PCDHGA4: variants seen among roughly 807,000 people sequenced by gnomAD.
PCDHGA4 encodes protocadherin gamma subfamily A, 4.
PCDHGA4 carries 38 observed loss-of-function variants against 54.6 expected under a neutral mutation model. The observed-to-expected ratio is 0.70, with a 90% CI of 0.54 to 0.91. The LOEUF (loss-of-function observed/expected upper bound fraction) is 0.91. Ranked by LOEUF, PCDHGA4 falls within the 40% of genes least tolerant of loss-of-function variation. PCDHGA4 has a pLI of 0.00. For missense variants in PCDHGA4, 1,298 were observed against 1,220.9 expected, an observed-to-expected ratio of 1.06 and a Z score of -0.94; for synonymous variants, 511 against 512.9, an observed-to-expected ratio of 1.00 and a Z score of 0.05.
intron 1 of PCDHGA4, among the ~76,000 whole-genome samples, chr5:141,364,008 C>G (rs553317478): frequency 6.6e-6 from 1 of 152,076 alleles, no homozygotes; most frequent in African/African-American, 2.4e-5. Flanking sequence ...TCATAAACAA[C>G]GCTACACAGT....
chr5:141,466,223 T>C (rs1313406487), intron 1 of PCDHGA4, among the ~76,000 whole-genome samples: 1 of 152,096 alleles, frequency 6.6e-6, no homozygotes, highest in African/African-American at 2.4e-5. Context: ...CAGGCTGGAG[T>C]GCAGTGGCAC....
At position 141,431,316 on chromosome 5, in the gene PCDHGA4, C is replaced by T; in HGVS notation, c.2515-63491C>T. 6.2e-7 allele frequency: 1 copy of T among 1,614,104 alleles called. No individual in the cohort carries two copies. The highest frequency in any genetic ancestry group is 8.5e-7 in the Non-Finnish European group (1 of 1,180,046). The stretch of plus-strand genomic sequence containing the variant: ...TTCTCCCTCATCGTGCAAAATGGAG[C>T]CGACGGTAGTAAGTACCCCGAATTG... On this transcript the variant is annotated intron_variant, in intron 1 of 3. Transcript: ENST00000571252. The surrounding 1 kb of genome is among the most constrained non-coding windows in gnomAD (Gnocchi z 4.8).
At chr5:141,427,952 T>C (rs1311471634) in intron 1 of PCDHGA4, 38 of 1,587,018 alleles carry the variant, frequency 2.4e-5, no homozygotes, top group Non-Finnish European at 2.8e-5. Flanking sequence ...TCAATGACAA[T>C]GTGCCGCGGG....
In PCDHGA4 at chr5:141,511,259, A is replaced by G; in HGVS notation, c.*86A>G. On this transcript the variant is annotated 3_prime_UTR_variant, in exon 4 of 4. Transcript: ENST00000571252. ...ACCTGCACCCAGGCCTCAGAGTTTCAGGGCTAACCCCCAGAATACTGGTAG... is the reference window on the plus strand; with the variant it reads ...ACCTGCACCCAGGCCTCAGAGTTTCGGGGCTAACCCCCAGAATACTGGTAG... 1.3e-6 allele frequency: 2 copies of G among 1,559,840 alleles called. No individual in the cohort carries two copies. The highest frequency in any genetic ancestry group is 1.7e-6 in the Non-Finnish European group (2 of 1,152,466).
intron 1 of PCDHGA4, chr5:141,400,304 G>T: frequency 6.2e-7 from 1 of 1,614,048 alleles, no homozygotes; most frequent in African/African-American, 1.3e-5. Context: ...TTCCAACCTG[G>T]TCTCTGTGTC....
In PCDHGA4 at chr5:141,398,540, T is replaced by C. The variant is rs372892054; in HGVS notation, c.2514+40919T>C. On this transcript the variant is annotated intron_variant, in intron 1 of 3. Transcript: ENST00000571252. The stretch of plus-strand genomic sequence containing the variant: ...ACGCCAAAATTCACGCAAAATTCCT[T>C]TGAGCTGCAAATAAGTGAGTCTGCA... 12 of 1,613,764 alleles carry C rather than the reference T, an allele frequency of 7.4e-6. No homozygotes were observed. The African/African-American group carries it at 1.2e-4, about 16-fold the overall frequency.
intron 1 of PCDHGA4, chr5:141,415,740 G>GTTTTTTTTTTTTTTTTTTT (rs57426385): frequency 1.1e-5 from 7 of 625,046 alleles, no homozygotes; most frequent in Admixed American, 7.1e-5. Context: ...GTTTATTAAG[G>GTTTTTTTTTTTTTTTTTTT]TTTTTTTTTT....
intron 1 of PCDHGA4, chr5:141,424,602 T>G (rs2154550827): frequency 6.6e-6 from 1 of 152,334 alleles, no homozygotes; most frequent in African/African-American, 2.4e-5. Flanking sequence ...GTCTACAGAT[T>G]TATTCAAATA....
intron 1 of PCDHGA4, chr5:141,415,377 C>T (rs774655293): frequency 1.2e-6 from 2 of 1,614,118 alleles, no homozygotes; most frequent in African/African-American, 2.7e-5. Flanking sequence ...CTTCAGGAGG[C>T]GGCTTGACAG....
At chr5:141,399,621 C>G (rs757586675) in intron 1 of PCDHGA4, 1 of 1,613,948 alleles carries the variant, frequency 6.2e-7, no homozygotes. Context: ...TGGCACTGGC[C>G]TCTTACGTGT....
intron 1 of PCDHGA4, among the ~76,000 whole-genome samples, chr5:141,456,911 C>T (rs1262649726): frequency 2.0e-5 from 3 of 151,928 alleles, no homozygotes; most frequent in Non-Finnish European, 4.4e-5. Flanking sequence ...TGCAGTGAGC[C>T]GAGATCGCAC....
In PCDHGA4 at chr5:141,477,913, T is replaced by G; in HGVS notation, c.2515-16894T>G. ...CACGGGTGGTAGGCTGGGACGCGGA[T>G]GCAGGGCACAATGCCTGGCTCTCCT... On this transcript the variant is annotated intron_variant, in intron 1 of 3. Transcript: ENST00000571252. This position sits in a 1 kb window ranked among gnomAD's most constrained non-coding sequence, Gnocchi z 4.9. 6.2e-7 allele frequency: 1 copy of G among 1,614,190 alleles called. No individual in the cohort carries two copies. Among genetic ancestry groups the G allele is most frequent in the Non-Finnish European group, 8.5e-7 (1 of 1,180,024 alleles).
chr5:141,375,418 C>T, intron 1 of PCDHGA4: 2 of 1,613,972 alleles, frequency 1.2e-6, no homozygotes, highest in Non-Finnish European at 1.7e-6. Context: ...TGGCAGACAC[C>T]AACGACAACC....
rs1457243337 is a variant in PCDHGA4 at position 141,493,567 on chromosome 5, C to T, written c.2515-1240C>T. Reference sequence around the variant, plus strand: ...TTTGGAGATTGAGTTCCCCCAGCTCCGTTTCCTCCTATCACAATCACTGCA... The same window carrying T: ...TTTGGAGATTGAGTTCCCCCAGCTCTGTTTCCTCCTATCACAATCACTGCA... On this transcript the variant is annotated intron_variant, in intron 1 of 3. Transcript: ENST00000571252. This position sits in a 1 kb window ranked among gnomAD's most constrained non-coding sequence, Gnocchi z 4.3. Among the ~76,000 whole-genome samples, 3 of 152,266 alleles carry T rather than the reference C, an allele frequency of 2.0e-5. No individual in the cohort carries two copies. The highest frequency in any genetic ancestry group is 4.4e-5 in the Non-Finnish European group (3 of 68,018).
chr5:141,394,520 A>G, intron 1 of PCDHGA4: 4 of 1,614,190 alleles, frequency 2.5e-6, no homozygotes, highest in African/African-American at 1.3e-5. Context: ...CCCTCCCCAC[A>G]GACGGTTCCA....
chr5:141,465,490 G>A (rs917234604), intron 1 of PCDHGA4, among the ~76,000 whole-genome samples: 9 of 152,170 alleles, frequency 5.9e-5, no homozygotes, highest in East Asian at 1.9e-4. Flanking sequence ...AGGAATGAGC[G>A]GGAGCATTGT....
chr5:141,374,827 T>G, intron 1 of PCDHGA4: 1 of 1,613,964 alleles, frequency 6.2e-7, no homozygotes, highest in Non-Finnish European at 8.5e-7. Flanking sequence ...CTGTCTACCG[T>G]GTAAGTGTTC....
intron 1 of PCDHGA4, among the ~76,000 whole-genome samples, chr5:141,463,073 C>G (rs911706393): frequency 6.6e-6 from 1 of 152,110 alleles, no homozygotes; most frequent in African/African-American, 2.4e-5. Flanking sequence ...AAATGAAATT[C>G]AAACATTTTC....
intron 1 of PCDHGA4, among the ~76,000 whole-genome samples, chr5:141,483,630 G>A (rs2099583876): frequency 6.7e-6 from 1 of 149,714 alleles, no homozygotes; most frequent in African/African-American, 2.5e-5. Flanking sequence ...ATGGGAGAAG[G>A]TATAGAGGGG....
Sources: gnomAD v4.1 joint callset for allele counts (sites outside exome capture counted in the v4.1 genomes callset) on GRCh38, gnomAD v4.1.1 for gene constraint, Gnocchi (gnomAD v3.1) non-coding constraint, MANE v1.5 for transcripts, NCBI Gene and HGNC (gene_info 2026-07-23, HGNC 2026-07-21) for gene names.